The following DLG2 variants were observed in gnomAD, a reference collection of about 807,000 sequenced individuals.
The protein encoded by DLG2 is disks large homolog 2.
Under a neutral mutation model 132.5 loss-of-function variants are expected in DLG2, and 45 were observed. The ratio of observed to expected loss-of-function variants is 0.34; its 90% CI spans 0.27 to 0.44. DLG2 has a LOEUF of 0.44. DLG2 is among the 20% of genes least tolerant of loss of function. The probability of loss-of-function intolerance (pLI) is 1.00; values close to 1 mark genes in which losing one functional copy is unlikely to be tolerated. For synonymous variants in DLG2, 424 were observed against 419.6 expected (o/e 1.01, Z -0.13); for missense variants, 1,045 against 1,196.9 (o/e 0.87, Z 1.87).
intron 6 of DLG2, among the ~76,000 whole-genome samples, chr11:85,104,802 A>G (rs891437814): frequency 6.7e-6 from 1 of 149,458 alleles, no homozygotes; most frequent in Non-Finnish European, 1.5e-5. Context: ...AAAAATCCCA[A>G]ACACTCATAG....
intron 19 of DLG2, among the ~76,000 whole-genome samples, chr11:83,602,976 T>C (rs2058779558): frequency 6.6e-6 from 1 of 152,132 alleles, no homozygotes; most frequent in Non-Finnish European, 1.5e-5. Context: ...TCTAGGCCTA[T>C]GCTTTACCAT....
At chr11:84,159,231 T>C (rs993796872) in intron 9 of DLG2, among the ~76,000 whole-genome samples, 1 of 152,174 alleles carries the variant, frequency 6.6e-6, no homozygotes, top group African/African-American at 2.4e-5. Flanking sequence ...ATATACTGCA[T>C]ATATTTACAG....
chr11:84,119,528 C>T (rs76804004), intron 9 of DLG2, among the ~76,000 whole-genome samples: 1,881 of 151,834 alleles, frequency 0.012, 34 homozygotes, highest in African/African-American at 0.044. Flanking sequence ...TTTAAAAAGA[C>T]TGAACTTGTA....
chr11:85,540,493 T>TC (rs34530152), intron 3 of DLG2, among the ~76,000 whole-genome samples: 23 of 151,924 alleles, frequency 1.5e-4, no homozygotes, highest in African/African-American at 4.8e-4. Flanking sequence ...TCCCATTCCA[T>TC]CCCCCTCTGG....
intron 6 of DLG2, among the ~76,000 whole-genome samples, chr11:84,908,079 T>A (rs571720267): frequency 3.9e-5 from 6 of 151,918 alleles, no homozygotes; most frequent in Admixed American, 1.3e-4. Flanking sequence ...GGCCTCTCCA[T>A]CCATGGAAAG....
chr11:83,860,901 C>G (rs1469183844), intron 16 of DLG2, among the ~76,000 whole-genome samples: 11 of 152,146 alleles, frequency 7.2e-5, no homozygotes, highest in Admixed American at 7.2e-4. Context: ...GTTTTAAAAA[C>G]TAGAGTTTCC....
At chr11:83,903,292 T>C (rs912256531) in intron 15 of DLG2, among the ~76,000 whole-genome samples, 1 of 152,098 alleles carries the variant, frequency 6.6e-6, no homozygotes, top group African/African-American at 2.4e-5. Context: ...ATATGAGTAC[T>C]AATCTAAAAA....
chr11:85,414,787 G>A (rs934538621), intron 3 of DLG2, among the ~76,000 whole-genome samples: 2 of 151,878 alleles, frequency 1.3e-5, no homozygotes, highest in African/African-American at 2.4e-5. Context: ...CCAGTGTTAG[G>A]TGCATATATC....
At chr11:85,008,298 A>G (rs2154134058) in intron 6 of DLG2, among the ~76,000 whole-genome samples, 1 of 152,210 alleles carries the variant, frequency 6.6e-6, no homozygotes, top group South Asian at 2.1e-4. Flanking sequence ...ATATAATAAA[A>G]CTCAAAATTC....
At chr11:84,431,567 C>A (rs2098984787) in intron 7 of DLG2, among the ~76,000 whole-genome samples, 1 of 152,012 alleles carries the variant, frequency 6.6e-6, no homozygotes, top group East Asian at 1.9e-4. Context: ...TTATCATTTA[C>A]CTTCCTAAAT....
chr11:85,467,346 G>A (rs2092825774), intron 3 of DLG2, among the ~76,000 whole-genome samples: 1 of 152,118 alleles, frequency 6.6e-6, no homozygotes, highest in Admixed American at 6.5e-5. Context: ...CCAACACTAT[G>A]TTGAATAGGA....
chr11:83,728,303 A>G (rs2090391497), intron 18 of DLG2, among the ~76,000 whole-genome samples: 1 of 152,222 alleles, frequency 6.6e-6, no homozygotes, highest in African/African-American at 2.4e-5. Flanking sequence ...CCATGTTTTT[A>G]GTAAAGCACA....
chr11:83,537,556 T>C (rs1243616815), intron 20 of DLG2, among the ~76,000 whole-genome samples: 1 of 152,044 alleles, frequency 6.6e-6, no homozygotes, highest in Non-Finnish European at 1.5e-5. Flanking sequence ...GGCTTATGCC[T>C]GTAATCCCAG....
intron 7 of DLG2, among the ~76,000 whole-genome samples, chr11:84,399,156 C>G (rs2098820930): frequency 6.6e-6 from 1 of 152,094 alleles, no homozygotes; most frequent in African/African-American, 2.4e-5. Context: ...GATCATCATA[C>G]AAAAATAGGG....
chr11:84,562,881 T>C lies in DLG2; in HGVS notation c.358-28150A>G, dbSNP rs552549217. Among the ~76,000 whole-genome samples, 137 of 152,092 alleles carry C rather than the reference T, an allele frequency of 9.0e-4. 1 individual carries two copies. Among genetic ancestry groups the C allele is most frequent in the Non-Finnish European group, 1.7e-3 (118 of 67,986 alleles). ...GACCCTCCTGCATCAACCTCCAAAA[T>C]AGTTGGGACTACAGGCATATGCCAC... On this transcript the variant is annotated intron_variant, in intron 6 of 27. Transcript: ENST00000376104.
intron 18 of DLG2, among the ~76,000 whole-genome samples, chr11:83,703,661 A>G (rs183857397): frequency 6.6e-6 from 1 of 152,228 alleles, no homozygotes; most frequent in African/African-American, 2.4e-5. Flanking sequence ...AAAAAAATCA[A>G]CAAAAACCAA....
At chr11:83,525,680 C>T (rs2095590020) in intron 21 of DLG2, among the ~76,000 whole-genome samples, 2 of 152,150 alleles carry the variant, frequency 1.3e-5, no homozygotes, top group East Asian at 3.9e-4. Flanking sequence ...GTATGGCTCT[C>T]CTTCCACCTC....
At position 84,366,903 on chromosome 11, in the gene DLG2, C is replaced by T. The variant is rs1157781254; in HGVS notation, c.520-115612G>A. Among the ~76,000 whole-genome samples the T allele has an allele frequency of 2.6e-5, 4 of 152,080 alleles. No individual in the cohort carries two copies. The South Asian group carries it at 6.2e-4, about 24-fold the overall frequency. On this transcript the variant is annotated intron_variant, in intron 7 of 27. Transcript: ENST00000376104. ...CCACTGTCAACATTAGACAGATCAA[C>T]GAGACAGAAAGTCAACAAGGATACC...
intron 25 of DLG2, among the ~76,000 whole-genome samples, chr11:83,468,790 A>G (rs781061532): frequency 5.4e-4 from 82 of 152,308 alleles, no homozygotes; most frequent in Admixed American, 2.4e-3. Flanking sequence ...AAGGCTGGGC[A>G]GCCCTTCTCA....
Sources: gnomAD v4.1 joint callset for allele counts (sites outside exome capture counted in the v4.1 genomes callset) on GRCh38, gnomAD v4.1.1 for gene constraint, MANE v1.5 for transcripts, NCBI Gene and HGNC (gene_info 2026-07-23, HGNC 2026-07-21) for gene names.